The following MEGF11 variants were observed in gnomAD, a reference collection of about 807,000 sequenced individuals.
MEGF11 encodes multiple EGF like domains 11.
MEGF11 carries 126 observed loss-of-function variants against 146.6 expected under a neutral mutation model. That is an observed-to-expected ratio of 0.86 (90% CI 0.74 to 1.00). The LOEUF (loss-of-function observed/expected upper bound fraction) is 1.00, where lower values mean the gene tolerates loss of function less well. Among genes scored for constraint, MEGF11 ranks in the 50% least tolerant of loss-of-function variants. The probability of loss-of-function intolerance (pLI) is 0.00; values close to 1 mark genes in which losing one functional copy is unlikely to be tolerated. For missense variants in MEGF11, 1,509 were observed against 1,521.2 expected (o/e 0.99, Z 0.13); for synonymous variants, 532 against 583.4 (o/e 0.91, Z 1.27).
At chr15:66,108,424 G>A (rs1379819575) in intron 4 of MEGF11, among the ~76,000 whole-genome samples, 1 of 152,170 alleles carries the variant, frequency 6.6e-6, no homozygotes, top group African/African-American at 2.4e-5. Flanking sequence ...CCATTGAGGA[G>A]ACAGAAATTT....
chr15:66,077,938 G>A (rs984183365), intron 5 of MEGF11, among the ~76,000 whole-genome samples: 31 of 152,192 alleles, frequency 2.0e-4, no homozygotes, highest in African/African-American at 6.5e-4. Flanking sequence ...CAGGAAGGCC[G>A]GGCCAAGGAG....
At chr15:66,163,032 G>A (rs1324238879) in intron 1 of MEGF11, among the ~76,000 whole-genome samples, 1 of 152,090 alleles carries the variant, frequency 6.6e-6, no homozygotes, top group Non-Finnish European at 1.5e-5. Context: ...ATACCCTGAA[G>A]TTTGAAAGCC....
At chr15:66,059,816 G>T (rs2084829538) in intron 5 of MEGF11, among the ~76,000 whole-genome samples, 1 of 152,180 alleles carries the variant, frequency 6.6e-6, no homozygotes. Flanking sequence ...CGGCTCCCAG[G>T]CAGGGAGCTA....
chr15:66,187,409 T>G (rs9920358), intron 1 of MEGF11, among the ~76,000 whole-genome samples: 1 of 152,182 alleles, frequency 6.6e-6, no homozygotes, highest in African/African-American at 2.4e-5. Context: ...CCACCTGCTC[T>G]CTGTGGCTCA....
At chr15:66,109,162 G>C (rs1457047060) in intron 4 of MEGF11, among the ~76,000 whole-genome samples, 6 of 152,112 alleles carry the variant, frequency 3.9e-5, no homozygotes, top group Non-Finnish European at 7.4e-5. Flanking sequence ...TCATCCCCTT[G>C]ACCAAGTCCT....
intron 1 of MEGF11, among the ~76,000 whole-genome samples, chr15:66,163,200 T>A (rs970954952): frequency 6.6e-5 from 10 of 152,188 alleles, no homozygotes; most frequent in African/African-American, 2.4e-4. Flanking sequence ...GCTCGCTCCA[T>A]CCTGCTTTAA....
intron 1 of MEGF11, among the ~76,000 whole-genome samples, chr15:66,220,688 C>T (rs1312086732): frequency 6.6e-6 from 1 of 151,882 alleles, no homozygotes; most frequent in Non-Finnish European, 1.5e-5. Flanking sequence ...CAGGTGTGTG[C>T]CACCGTGCCT....
At chr15:66,236,894 C>T (rs1445287029) in intron 1 of MEGF11, among the ~76,000 whole-genome samples, 1 of 152,184 alleles carries the variant, frequency 6.6e-6, no homozygotes, top group African/African-American at 2.4e-5. Context: ...CCGGGAAGAA[C>T]AAGACTGCTG....
chr15:66,246,879 G>A (rs775370233), intron 1 of MEGF11, among the ~76,000 whole-genome samples: 2 of 152,112 alleles, frequency 1.3e-5, no homozygotes, highest in Non-Finnish European at 2.9e-5. Context: ...AGATTGATGC[G>A]TGATCCAGGA....
chr15:65,913,869 A>G lies in MEGF11; in HGVS notation c.2578T>C (p.Phe860Leu). The G allele has an allele frequency of 6.2e-7, 1 of 1,614,038 alleles. No homozygotes were observed. The highest frequency in any genetic ancestry group is 1.3e-5 in the African/African-American group (1 of 75,050). Residue 860 changes from phenylalanine (F) to leucine (L), a missense_variant, in exon 20 of 26, where the codon TTC (phenylalanine) becomes CTC (leucine). By Grantham distance (22) the Phe-to-Leu change is conservative (BLOSUM62 0). Coordinates refer to ENST00000395614, the MANE Select transcript of MEGF11 (RefSeq NM_001385028.1). ...GAVTGIMLLLFLIVVLLGLFA... is the reference protein window; with the variant it reads ...GAVTGIMLLLLLIVVLLGLFA... ...AGGCCCAGCAGCACCACAATGAGGA[A>G]TAACAGGAGCATGATGCCTGTGACA...
intron 5 of MEGF11, among the ~76,000 whole-genome samples, chr15:66,005,990 G>A (rs942553386): frequency 6.6e-6 from 1 of 152,228 alleles, no homozygotes; most frequent in Non-Finnish European, 1.5e-5. Context: ...GGCTGTAAGA[G>A]TAAAACTGAA....
In MEGF11 at chr15:65,922,923, G is replaced by C; in HGVS notation, c.1722C>G (p.Asn574Lys). 2 of 1,613,246 alleles carry C rather than the reference G, an allele frequency of 1.2e-6. No individual in the cohort carries two copies. The highest frequency in any genetic ancestry group is 1.7e-6 in the Non-Finnish European group (2 of 1,179,740). ...STCPPGRWGP[N>K]CSVSCSCENG... ...TCTCACAGCTGCAGGAGACAGAGCA[G>C]TTGGGGCCCCAGCGGCCAGGTGGAC... The change falls in exon 14 of 26, where the codon AAC (asparagine) becomes AAG (lysine). Residue 574 changes from asparagine to lysine, a missense_variant. By Grantham distance (94) the Asn-to-Lys change is moderately conservative. Coordinates refer to ENST00000395614, the MANE Select transcript of MEGF11 (RefSeq NM_001385028.1).
intron 4 of MEGF11, among the ~76,000 whole-genome samples, chr15:66,094,948 A>G (rs1447885623): frequency 2.0e-5 from 3 of 152,052 alleles, no homozygotes; most frequent in African/African-American, 7.2e-5. Context: ...GTCCCTTCTC[A>G]CTTTTCCCCC....
chr15:66,053,134 G>C (rs1483622637), intron 5 of MEGF11, among the ~76,000 whole-genome samples: 1 of 152,136 alleles, frequency 6.6e-6, no homozygotes, highest in Non-Finnish European at 1.5e-5. Flanking sequence ...GCCAGTGAAT[G>C]TATGGATAAT....
chr15:66,171,744 C>G (rs2090262623), intron 1 of MEGF11, among the ~76,000 whole-genome samples: 1 of 151,528 alleles, frequency 6.6e-6, no homozygotes, highest in Admixed American at 6.6e-5. Context: ...TGCAGACTCA[C>G]TACCATGCGC....
chr15:66,073,302 C>G (rs1377749945), intron 5 of MEGF11, among the ~76,000 whole-genome samples: 1 of 152,198 alleles, frequency 6.6e-6, no homozygotes, highest in Admixed American at 6.5e-5. Flanking sequence ...TGAGCCCTTG[C>G]TGAGGATGGG....
intron 1 of MEGF11, among the ~76,000 whole-genome samples, chr15:66,129,616 T>C (rs963104593): frequency 6.6e-6 from 1 of 152,186 alleles, no homozygotes; most frequent in African/African-American, 2.4e-5. Context: ...CCGCTGGCCC[T>C]GGGTTCGCAG....
chr15:66,089,462 G>T (rs998964946), intron 5 of MEGF11, among the ~76,000 whole-genome samples: 1 of 152,148 alleles, frequency 6.6e-6, no homozygotes, highest in Non-Finnish European at 1.5e-5. Context: ...CTCTACCCCA[G>T]GCCTTCTGGA....
intron 5 of MEGF11, among the ~76,000 whole-genome samples, chr15:66,016,859 G>T (rs190230391): frequency 2.6e-5 from 4 of 152,226 alleles, no homozygotes; most frequent in African/African-American, 9.6e-5. Flanking sequence ...GGAAAGGGAT[G>T]CCTATAGAGA....
Sources: allele counts gnomAD v4.1 joint callset (sites outside exome capture counted in the v4.1 genomes callset), GRCh38; gene constraint gnomAD v4.1.1; transcripts MANE v1.5; gene names NCBI Gene and HGNC (gene_info 2026-07-23, HGNC 2026-07-21).